EML6: variants seen among roughly 807,000 people sequenced by gnomAD.
The protein encoded by EML6 is echinoderm microtubule-associated protein-like 6.
In EML6, 154 loss-of-function variants were observed where a neutral mutation model predicts 240.1. That is an observed-to-expected ratio of 0.64 (90% CI 0.56 to 0.73). EML6 has a LOEUF of 0.73. EML6 is among the 30% of genes least tolerant of loss of function. The pLI is 0.00. For missense variants in EML6, 2,964 were observed against 2,474.6 expected (o/e 1.20, Z -4.20); for synonymous variants, 1,148 against 899.0 (o/e 1.28, Z -4.95).
chr2:54,909,436 A>C (rs1673522845), intron 24 of EML6, among the ~76,000 whole-genome samples: 1 of 152,236 alleles, frequency 6.6e-6, no homozygotes. Context: ...TCAAGGAAAA[A>C]TCCCCTAATC....
At chr2:54,913,387 G>A (rs1412606257) in intron 25 of EML6, among the ~76,000 whole-genome samples, 2 of 151,862 alleles carry the variant, frequency 1.3e-5, no homozygotes, top group Non-Finnish European at 2.9e-5. Flanking sequence ...AGCTGGGACT[G>A]TAGATGCACA....
rs1430053000 is a variant in EML6 at position 54,869,240 on chromosome 2, A to G, written c.2111A>G (p.Tyr704Cys). 2 of 1,551,630 alleles carry G rather than the reference A, an allele frequency of 1.3e-6. No homozygotes were observed. Among genetic ancestry groups the G allele is most frequent in the African/African-American group, 1.4e-5 (1 of 73,000 alleles). The change falls in exon 15 of 42, where the codon TAC becomes TGC. Residue 704 changes from tyrosine to cysteine, a missense_variant. Coordinates refer to ENST00000356458, the MANE Select transcript of EML6 (RefSeq NM_001039753.4). ...LFYTQAGEVV[Y>C]HIAAVAVVYN... is the part of the protein sequence containing the mutation. The stretch of plus-strand genomic sequence containing the variant: ...TACACACAAGCTGGAGAAGTAGTCT[A>G]CCACATTGCTGCAGTTGCTGTCGTG...
chr2:54,917,685 A>G (rs1673999473), intron 26 of EML6, among the ~76,000 whole-genome samples: 1 of 151,876 alleles, frequency 6.6e-6, no homozygotes, highest in South Asian at 2.1e-4. Flanking sequence ...ATAAAGTTCT[A>G]CCTTCTGAAC....
At chr2:54,824,760 G>T (rs1668507244) in intron 5 of EML6, among the ~76,000 whole-genome samples, 1 of 152,096 alleles carries the variant, frequency 6.6e-6, no homozygotes, top group African/African-American at 2.4e-5. Context: ...GAGACAGAAG[G>T]GACTTCAGGG....
chr2:54,858,050 C>T (rs1670480302), intron 11 of EML6, among the ~76,000 whole-genome samples: 1 of 152,174 alleles, frequency 6.6e-6, no homozygotes, highest in Non-Finnish European at 1.5e-5. Flanking sequence ...CAAGGAGTCC[C>T]AAGAAGCTTA....
At chr2:54,803,660 C>A (rs1670298789) in intron 2 of EML6, among the ~76,000 whole-genome samples, 1 of 152,182 alleles carries the variant, frequency 6.6e-6, no homozygotes, top group Non-Finnish European at 1.5e-5. Context: ...GGTATCAAAA[C>A]GGCTTGAAGA....
At chr2:54,933,750 A>C (rs1039005553) in intron 28 of EML6, among the ~76,000 whole-genome samples, 30 of 152,052 alleles carry the variant, frequency 2.0e-4, no homozygotes, top group Non-Finnish European at 4.0e-4. Flanking sequence ...AGAAAAAAAA[A>C]CCCACTAAAA....
At position 54,844,037 on chromosome 2, in the gene EML6, T is replaced by C. The variant is rs1406358438; in HGVS notation, c.848-10T>C. ...TGAAGATTTGCTTTTGTTTTACTTA[T>C]TTTTGTCAGGCCTCTCTATCCGGAG... is the stretch of plus-strand genomic sequence containing the variant. On this transcript the variant is annotated splice_polypyrimidine_tract_variant and intron_variant, in intron 7 of 41. Transcript: ENST00000356458. The C allele has an allele frequency of 2.6e-5, 40 of 1,549,666 alleles. No individual in the cohort carries two copies. The highest frequency in any genetic ancestry group is 4.1e-5 in the African/African-American group (3 of 72,782).
chr2:54,947,363 T>G (rs902971627), intron 28 of EML6, among the ~76,000 whole-genome samples: 1 of 152,228 alleles, frequency 6.6e-6, no homozygotes, highest in Non-Finnish European at 1.5e-5. Flanking sequence ...GGTGTCGTTT[T>G]GCAGAGATGT....
chr2:54,871,434 C>CT (rs1345956823), intron 15 of EML6, 66 bp from the exon 16 acceptor site: 6 of 1,282,652 alleles, frequency 4.7e-6, no homozygotes, highest in Non-Finnish European at 4.4e-6. Flanking sequence ...GTGTTGGACT[C>CT]TAAGGAACAA....
At chr2:54,834,440 T>A (rs1238701599) in intron 7 of EML6, among the ~76,000 whole-genome samples, 1 of 152,244 alleles carries the variant, frequency 6.6e-6, no homozygotes, top group East Asian at 1.9e-4. Flanking sequence ...TTATAAATGA[T>A]TCTGTCTAAA....
intron 2 of EML6, among the ~76,000 whole-genome samples, chr2:54,756,443 T>C (rs1355287396): frequency 6.6e-6 from 1 of 152,212 alleles, no homozygotes; most frequent in Non-Finnish European, 1.5e-5. Flanking sequence ...TTAATGTGCT[T>C]ATGTTTTTAT....
At position 54,829,451 on chromosome 2, in the gene EML6, T is replaced by C; in HGVS notation, c.821T>C (p.Leu274Pro). The C allele has an allele frequency of 6.4e-7, 1 of 1,551,822 alleles. No homozygotes were observed. Among genetic ancestry groups the C allele is most frequent in the Non-Finnish European group, 8.7e-7 (1 of 1,146,742 alleles). The change falls in exon 7 of 42, where the codon CTC (leucine) becomes CCC (proline). Residue 274 changes from leucine (L) to proline (P), a missense_variant. Transcript: ENST00000356458. ...TTCAAACCAATAACCAAAATTGATC[T>C]CAGGGAGACAGAACAAGGATACAAA... ...TDFKPITKID[L>P]RETEQGYKGL...
At position 54,811,737 on chromosome 2, in the gene EML6, A is replaced by G. The variant is rs143711737; in HGVS notation, c.198-1495A>G. Among the ~76,000 whole-genome samples the G allele has an allele frequency of 4.3e-3, 649 of 152,318 alleles. 3 individuals carry two copies. The highest frequency in any genetic ancestry group is 7.0e-3 in the Non-Finnish European group (477 of 68,018). On this transcript the variant is annotated intron_variant, in intron 2 of 41. Coordinates refer to ENST00000356458, the MANE Select transcript of EML6 (RefSeq NM_001039753.4). The stretch of plus-strand genomic sequence containing the variant: ...GCTTAATGAGCAAACATGGCATGCC[A>G]TAATCTTGCAGTTTTCTGGGACATC...
Position 54,968,229 on chromosome 2 carries a change from G to A in EML6, c.5699G>A (p.Gly1900Glu). 2 of 1,551,772 alleles carry A rather than the reference G, an allele frequency of 1.3e-6. No individual in the cohort carries two copies. Among genetic ancestry groups the A allele is most frequent in the Non-Finnish European group, 1.7e-6 (2 of 1,147,016 alleles). The change falls in exon 40 of 42, where the codon GGA becomes GAA. Residue 1900 changes from glycine (G) to glutamate (E), a missense_variant. Physicochemically the swap from Gly to Glu is moderately conservative, Grantham distance 98. Coordinates refer to ENST00000356458, the MANE Select transcript of EML6 (RefSeq NM_001039753.4). ...VTHAGLNIVT[G>E]DDFGLVKLFD... is the part of the protein sequence containing the mutation. ...CACGCTGGCCTGAACATTGTCACAG[G>A]AGATGACTTTGGGCTGGTGAAGCTC...
chr2:54,888,563 C>G (rs1475386752), intron 17 of EML6, among the ~76,000 whole-genome samples: 2 of 152,054 alleles, frequency 1.3e-5, no homozygotes, highest in Non-Finnish European at 2.9e-5. Context: ...AATTTTTTAC[C>G]CATGTTAGTA....
intron 2 of EML6, among the ~76,000 whole-genome samples, chr2:54,788,859 G>A (rs187305107): frequency 6.6e-6 from 1 of 151,972 alleles, no homozygotes; most frequent in Non-Finnish European, 1.5e-5. Flanking sequence ...ATTTCCATTG[G>A]CTAGATGAAA....
At chr2:54,870,623 C>G (rs539572224) in intron 15 of EML6, among the ~76,000 whole-genome samples, 30 of 151,968 alleles carry the variant, frequency 2.0e-4, no homozygotes, top group Admixed American at 1.5e-3. Flanking sequence ...TTTTGTCTGT[C>G]TTATAAACAG....
chr2:54,871,981 T>C (rs896699900), intron 16 of EML6, among the ~76,000 whole-genome samples: 1 of 152,202 alleles, frequency 6.6e-6, no homozygotes, highest in African/African-American at 2.4e-5. Context: ...AGAACATCAA[T>C]TTCATCTCTC....
Sources: gnomAD v4.1 joint callset for allele counts (sites outside exome capture counted in the v4.1 genomes callset) on GRCh38, gnomAD v4.1.1 for gene constraint, MANE v1.5 for transcripts, NCBI Gene and HGNC (gene_info 2026-07-23, HGNC 2026-07-21) for gene names.